The following AGBL4 variants were observed in gnomAD, a reference collection of about 807,000 sequenced individuals.
AGBL4 encodes AGBL carboxypeptidase 4, also known as cytosolic carboxypeptidase 6.
AGBL4 carries 58 observed loss-of-function variants against 66.4 expected under a neutral mutation model. The observed-to-expected ratio is 0.87, with a 90% CI of 0.71 to 1.09. AGBL4 has a LOEUF of 1.09. Among genes scored for constraint, AGBL4 ranks in the 50% least tolerant of loss-of-function variants. The pLI is 0.00. For synonymous variants in AGBL4, 234 were observed against 222.9 expected, an observed-to-expected ratio of 1.05 and a Z score of -0.44; for missense variants, 579 against 631.0, an observed-to-expected ratio of 0.92 and a Z score of 0.88.
At chr1:49,893,975 C>T (rs115064204) in intron 1 of AGBL4, among the ~76,000 whole-genome samples, 2,987 of 152,292 alleles carry the variant, frequency 0.02, 112 homozygotes, top group African/African-American at 0.069. Context: ...GTAGTAGTCA[C>T]ACTGATGCTC....
At chr1:48,652,193 C>A (rs575780933) in intron 8 of AGBL4, among the ~76,000 whole-genome samples, 2 of 152,228 alleles carry the variant, frequency 1.3e-5, no homozygotes, top group South Asian at 4.2e-4. Context: ...TGGAGCAAGA[C>A]CCTGTCTCAA....
At chr1:49,893,153 T>C (rs1648826998) in intron 1 of AGBL4, among the ~76,000 whole-genome samples, 1 of 152,166 alleles carries the variant, frequency 6.6e-6, no homozygotes, top group African/African-American at 2.4e-5. Context: ...CATGAAGTCA[T>C]GTCTTTGCTT....
chr1:49,739,596 A>T (rs908831922), intron 2 of AGBL4, among the ~76,000 whole-genome samples: 1 of 152,208 alleles, frequency 6.6e-6, no homozygotes, highest in African/African-American at 2.4e-5. Flanking sequence ...TCCAAGACAC[A>T]TACTTGTCAG....
chr1:48,996,817 C>CCCTTCCTTCCTTCCGTCCTT (rs1661036054), intron 5 of AGBL4, among the ~76,000 whole-genome samples: 1 of 147,756 alleles, frequency 6.8e-6, no homozygotes, highest in Admixed American at 6.8e-5. Context: ...CTTCCTTCCT[C>CCCTTCCTTCCTTCCGTCCTT]CCTTCCTTCC....
At chr1:49,986,110 ATAAG>A (rs781029510) in intron 1 of AGBL4, among the ~76,000 whole-genome samples, 11 of 152,234 alleles carry the variant, frequency 7.2e-5, no homozygotes, top group Non-Finnish European at 1.5e-4. Flanking sequence ...CACACCAATC[ATAAG>A]TATGTAGACC....
At chr1:49,186,432 T>C (rs1344911150) in intron 4 of AGBL4, among the ~76,000 whole-genome samples, 1 of 152,190 alleles carries the variant, frequency 6.6e-6, no homozygotes, top group Non-Finnish European at 1.5e-5. Context: ...CTTATAGTCA[T>C]ATTTGTCCCT....
chr1:49,067,522 G>A (rs964683361), intron 4 of AGBL4, among the ~76,000 whole-genome samples: 1 of 152,014 alleles, frequency 6.6e-6, no homozygotes, highest in Admixed American at 6.6e-5. Flanking sequence ...TCCATTTACT[G>A]TTCTCTCTTT....
At chr1:49,482,219 T>C (rs1428002452) in intron 3 of AGBL4, among the ~76,000 whole-genome samples, 1 of 151,962 alleles carries the variant, frequency 6.6e-6, no homozygotes, top group Non-Finnish European at 1.5e-5. Flanking sequence ...AGCTCTTTGT[T>C]TGTACATCTG....
At chr1:49,941,647 G>C (rs1450372655) in intron 1 of AGBL4, among the ~76,000 whole-genome samples, 1 of 151,986 alleles carries the variant, frequency 6.6e-6, no homozygotes, top group Non-Finnish European at 1.5e-5. Flanking sequence ...CATCTCAATA[G>C]ATGCAGAAAG....
intron 4 of AGBL4, among the ~76,000 whole-genome samples, chr1:49,085,968 A>C (rs1209269446): frequency 1.3e-5 from 2 of 152,140 alleles, no homozygotes; most frequent in Non-Finnish European, 2.9e-5. Context: ...CAGTCATAGT[A>C]AGATTGGAGC....
chr1:49,618,351 C>T, intron 3 of AGBL4, among the ~76,000 whole-genome samples: 1 of 132,010 alleles, frequency 7.6e-6, no homozygotes. Flanking sequence ...GATGTATAAT[C>T]CTTTGGGTAT....
chr1:49,437,151 G>A (rs549156909), intron 3 of AGBL4, among the ~76,000 whole-genome samples: 40 of 152,272 alleles, frequency 2.6e-4, no homozygotes, highest in South Asian at 1.5e-3. Context: ...GCCCGGGTCA[G>A]AGAAGTATCT....
At chr1:49,141,073 A>G (rs950382344) in intron 4 of AGBL4, among the ~76,000 whole-genome samples, 3 of 152,226 alleles carry the variant, frequency 2.0e-5, no homozygotes, top group Non-Finnish European at 4.4e-5. Flanking sequence ...AGGAATGAGC[A>G]GGAACATTAA....
At chr1:48,769,526 AACACACACACACACAC>A (rs558937968) in intron 6 of AGBL4, among the ~76,000 whole-genome samples, 123 of 130,314 alleles carry the variant, frequency 9.4e-4, no homozygotes, top group African/African-American at 2.5e-3. Flanking sequence ...GAGGATTTAA[AACACACACACACACAC>A]ACACACACAC....
At chr1:49,152,350 C>T (rs1646352010) in intron 4 of AGBL4, among the ~76,000 whole-genome samples, 2 of 152,152 alleles carry the variant, frequency 1.3e-5, no homozygotes, top group African/African-American at 4.8e-5. Context: ...CTTCAAACAT[C>T]CTGAGTGTTC....
At chr1:48,950,093 C>CATTT (rs1397389953) in intron 5 of AGBL4, among the ~76,000 whole-genome samples, 10 of 152,124 alleles carry the variant, frequency 6.6e-5, no homozygotes, top group African/African-American at 1.2e-4. Context: ...TTAATGGCCT[C>CATTT]ATTTATTTAT....
intron 3 of AGBL4, among the ~76,000 whole-genome samples, chr1:49,637,752 A>G (rs1462937060): frequency 6.6e-6 from 1 of 152,172 alleles, no homozygotes; most frequent in Non-Finnish European, 1.5e-5. Context: ...CAACAAATTA[A>G]AAAATAAAAA....
chr1:49,696,034 T>C (rs561755032), intron 3 of AGBL4, among the ~76,000 whole-genome samples: 1 of 152,186 alleles, frequency 6.6e-6, no homozygotes, highest in Non-Finnish European at 1.5e-5. Context: ...CAGAATAGAT[T>C]GACTCAGGAG....
At chr1:49,130,392 C>T (rs1481134521) in intron 4 of AGBL4, among the ~76,000 whole-genome samples, 2 of 152,128 alleles carry the variant, frequency 1.3e-5, no homozygotes, top group East Asian at 3.8e-4. Flanking sequence ...CTTGCCCATG[C>T]CTATGTCCTG....
Sources: allele counts gnomAD v4.1 joint callset (sites outside exome capture counted in the v4.1 genomes callset), GRCh38; gene constraint gnomAD v4.1.1; transcripts MANE v1.5; gene names NCBI Gene and HGNC (gene_info 2026-07-23, HGNC 2026-07-21).